The following NUP188 variants were observed in gnomAD, a reference collection of about 807,000 sequenced individuals.
NUP188 encodes the protein nucleoporin 188, also known as nucleoporin NUP188.
In NUP188, 97 loss-of-function variants were observed where a neutral mutation model predicts 223.0. The observed-to-expected ratio is 0.43, with a 90% CI of 0.37 to 0.51. The LOEUF (loss-of-function observed/expected upper bound fraction) is 0.51, where lower values mean the gene tolerates loss of function less well. Ranked by LOEUF, NUP188 falls within the 20% of genes least tolerant of loss-of-function variation. The pLI is 0.00. For missense variants in NUP188, 1,947 were observed against 2,175.6 expected (o/e 0.89, Z 2.09); for synonymous variants, 869 against 828.0 (o/e 1.05, Z -0.85).
chr9:128,986,443 C>G, intron 20 of NUP188, 115 bp from the exon 21 acceptor site: 1 of 1,088,020 alleles, frequency 9.2e-7, no homozygotes, highest in South Asian at 1.8e-5. Context: ...CATTGATGAC[C>G]AAGGTTTGCC....
intron 22 of NUP188, among the ~76,000 whole-genome samples, chr9:128,987,387 G>A (rs1842353249): frequency 6.6e-6 from 1 of 152,012 alleles, no homozygotes; most frequent in South Asian, 2.1e-4. Context: ...TTACTTGATG[G>A]ACATTTAGAT....
At chr9:128,999,420 CTT>C in intron 33 of NUP188, 103 bp downstream of exon 33, 1 of 1,460,254 alleles carries the variant, frequency 6.8e-7, no homozygotes, top group Non-Finnish European at 9.3e-7. Context: ...TCTTCTGGGA[CTT>C]TTGAGTTTCC....
chr9:128,978,555 TCAAAA>T (rs1564557819), intron 12 of NUP188, among the ~76,000 whole-genome samples: 1 of 38,810 alleles, frequency 2.6e-5, no homozygotes. Context: ...AGAGTGAGAC[TCAAAA>T]AAAAAAAAAA....
chr9:128,993,222 G>T lies in NUP188; in HGVS notation c.2666G>T (p.Cys889Phe). 6.2e-7 allele frequency: 1 copy of T among 1,614,176 alleles called. No individual in the cohort carries two copies. Among genetic ancestry groups the T allele is most frequent in the Non-Finnish European group, 8.5e-7 (1 of 1,180,016 alleles). The change falls in exon 26 of 44, where the codon TGT becomes TTT. Residue 889 changes from cysteine to phenylalanine, a missense_variant. Cys to Phe is a radical substitution (Grantham distance 205, BLOSUM62 -2). This residue lies in a region of NUP188 where 225 missense variants were observed against 319.1 expected (regional missense o/e 0.71). Coordinates refer to ENST00000372577, the MANE Select transcript of NUP188 (RefSeq NM_015354.3). ...GTGGCCCCAATGTCAGTGTATGCTT[G>T]TCTGGGCAATGATGCGGCTGCCATT... is the stretch of plus-strand genomic sequence containing the variant. ...ATVAPMSVYA[C>F]LGNDAAAIRD...
intron 33 of NUP188, 145 bp downstream of exon 33, chr9:128,999,462 AT>A (rs762872213): frequency 6.8e-5 from 86 of 1,272,244 alleles, no homozygotes; most frequent in Admixed American, 1.4e-4. Flanking sequence ...CAAGAAAGCT[AT>A]TTTTTTCCCT....
intron 35 of NUP188, 72 bp downstream of exon 35, chr9:129,001,801 T>A (rs974401697): frequency 6.3e-7 from 1 of 1,599,080 alleles, no homozygotes; most frequent in African/African-American, 1.3e-5. Flanking sequence ...TCCCAGAAGC[T>A]GTGATCTAGC....
intron 30 of NUP188, among the ~76,000 whole-genome samples, chr9:128,996,112 TGG>T (rs1842520800): frequency 6.6e-6 from 1 of 152,108 alleles, no homozygotes; most frequent in Non-Finnish European, 1.5e-5. Context: ...CATAAGGACT[TGG>T]TATTGAAGTG....
At chr9:128,972,754 A>G (rs909083810) in intron 11 of NUP188, among the ~76,000 whole-genome samples, 2 of 152,124 alleles carry the variant, frequency 1.3e-5, no homozygotes, top group African/African-American at 4.8e-5. Context: ...TGCTCTACAA[A>G]ACAAAGCCTA....
chr9:129,005,270 C>G (rs1475514260), intron 39 of NUP188, 33 bp from the exon 40 acceptor site: 1 of 1,613,092 alleles, frequency 6.2e-7, no homozygotes, highest in Non-Finnish European at 8.5e-7. Flanking sequence ...GCTAGCTTCC[C>G]AAGCTCCACC....
chr9:128,971,937 A>G (rs1215925159), intron 11 of NUP188, among the ~76,000 whole-genome samples: 2 of 151,924 alleles, frequency 1.3e-5, no homozygotes, highest in African/African-American at 4.8e-5. Flanking sequence ...ATGCCCGGCT[A>G]TTTTTTGTAT....
chr9:128,958,815 A>T lies in NUP188; in HGVS notation c.386A>T (p.Tyr129Phe). ...TGGGTTCCTCAGATTGCAGATTATTATTATGAAGAAAGAACCTGTATTCTT... is the reference window on the plus strand; with the variant it reads ...TGGGTTCCTCAGATTGCAGATTATTTTTATGAAGAAAGAACCTGTATTCTT... ...QALILKIADYYYEERTCILRC... is the reference protein window; with the variant it reads ...QALILKIADYFYEERTCILRC... Residue 129 changes from tyrosine (Y) to phenylalanine (F), a missense_variant, in exon 7 of 44, where the codon TAT becomes TTT. Tyr to Phe is a conservative substitution (Grantham distance 22, BLOSUM62 3). Transcript: ENST00000372577. 1 of 1,579,914 alleles carries T rather than the reference A, an allele frequency of 6.3e-7. No individual in the cohort carries two copies. The highest frequency in any genetic ancestry group is 1.8e-5 in the Admixed American group (1 of 56,416).
chr9:128,987,906 T>G (rs2131172144), intron 23 of NUP188, 141 bp from the exon 24 acceptor site: 1 of 1,169,368 alleles, frequency 8.6e-7, no homozygotes, highest in East Asian at 2.3e-5. Context: ...TTACTCCTCC[T>G]CTCTCCTAGT....
intron 2 of NUP188, among the ~76,000 whole-genome samples, chr9:128,951,638 T>C (rs1470628180): frequency 6.6e-6 from 1 of 152,206 alleles, no homozygotes; most frequent in African/African-American, 2.4e-5. Context: ...TTATCAAGAC[T>C]TTCATAATAA....
At chr9:128,983,417 G>A in intron 18 of NUP188, 37 bp downstream of exon 18, 1 of 1,612,242 alleles carries the variant, frequency 6.2e-7, no homozygotes, top group South Asian at 1.1e-5. Flanking sequence ...CAAAAATGTA[G>A]CACTTGGCAC....
Position 129,002,254 on chromosome 9 carries a change from G to C in NUP188, c.4137+278G>C, listed in dbSNP as rs545183032. Among the ~76,000 whole-genome samples, 12 of 152,252 alleles carry C rather than the reference G, an allele frequency of 7.9e-5. No individual in the cohort carries two copies. The South Asian group carries it at 1.9e-3, about 24-fold the overall frequency. On this transcript the variant is annotated intron_variant, in intron 36 of 43. Coordinates refer to ENST00000372577, the MANE Select transcript of NUP188 (RefSeq NM_015354.3). ...AAACCAGATTGATAACACATCCCTG[G>C]ACCAGGCCTCTAGCCAAGGCAGCTG... is the stretch of plus-strand genomic sequence containing the variant.
intron 12 of NUP188, among the ~76,000 whole-genome samples, chr9:128,978,629 T>C (rs1294628804): frequency 6.6e-6 from 1 of 151,230 alleles, no homozygotes; most frequent in Non-Finnish European, 1.5e-5. Flanking sequence ...TGCACTCTAG[T>C]CTGGGTGATA....
rs777517569 is a variant in NUP188, at chr9:129,001,606, C to G, written c.3921C>G (p.Thr1307=). Residue 1307 remains threonine, a synonymous_variant, in exon 35 of 44, where the codon ACC becomes ACG. Transcript: ENST00000372577. ...DEDGDSWLQV[T]RRLPILPTLL... is the part of the protein sequence containing the mutation. Reference sequence around the variant, plus strand: ...ATGGTGACTCCTGGCTGCAGGTAACCCGCAGGCTCCCCATCCTACCCACCC... The same window carrying G: ...ATGGTGACTCCTGGCTGCAGGTAACGCGCAGGCTCCCCATCCTACCCACCC... The G allele has an allele frequency of 6.2e-7, 1 of 1,614,018 alleles. No individual in the cohort carries two copies. The highest frequency in any genetic ancestry group is 8.5e-7 in the Non-Finnish European group (1 of 1,179,988).
rs1474679665 is a variant in NUP188, at chr9:128,981,364, A to G, written c.1490A>G (p.Gln497Arg). 2 of 1,614,058 alleles carry G rather than the reference A, an allele frequency of 1.2e-6. No homozygotes were observed. Among genetic ancestry groups the G allele is most frequent in the African/African-American group, 2.7e-5 (2 of 75,016 alleles). ...SHEDGTLWRRQTPKLLYPLGG... is the reference protein window; with the variant it reads ...SHEDGTLWRRRTPKLLYPLGG... ...GAAGATGGAACTCTTTGGCGGAGAC[A>G]AACACCCAAACTCCTTTATCCCCTT... is the stretch of plus-strand genomic sequence containing the variant. The change falls in exon 15 of 44, where the codon CAA (glutamine) becomes CGA (arginine). Residue 497 changes from glutamine (Q) to arginine (R), a missense_variant. Transcript: ENST00000372577.
intron 1 of NUP188, chr9:128,948,009 C>T (rs1358752754): frequency 2.7e-6 from 1 of 375,384 alleles, no homozygotes; most frequent in Non-Finnish European, 4.7e-6. Context: ...ACCCAGGGCC[C>T]TTTGCCTTCC....
Sources: allele counts gnomAD v4.1 joint callset (sites outside exome capture counted in the v4.1 genomes callset), GRCh38; gene constraint gnomAD v4.1.1; regional missense constraint gnomAD v4.1.1; transcripts MANE v1.5; gene names NCBI Gene and HGNC (gene_info 2026-07-23, HGNC 2026-07-21).